The following SPTAN1 variants were observed in gnomAD, a reference collection of about 807,000 sequenced individuals.
SPTAN1 encodes spectrin alpha chain, non-erythrocytic 1.
Under a neutral mutation model 331.3 loss-of-function variants are expected in SPTAN1, and 61 were observed. That is an observed-to-expected ratio of 0.18 (90% confidence interval 0.15 to 0.23). SPTAN1 has a LOEUF of 0.23. Ranked by LOEUF, SPTAN1 falls within the 10% of genes least tolerant of loss-of-function variation. The probability of loss-of-function intolerance (pLI) is 1.00; values close to 1 mark genes in which losing one functional copy is unlikely to be tolerated. For missense variants in SPTAN1, 2,043 were observed against 3,147.9 expected (o/e 0.65, Z 8.40); for synonymous variants, 1,153 against 1,173.9 (o/e 0.98, Z 0.36).
chr9:128,625,043 T>C lies in SPTAN1; in HGVS notation c.5993-60T>C. 5.2e-6 allele frequency: 8 copies of C among 1,524,866 alleles called. No individual in the cohort carries two copies. Among genetic ancestry groups the C allele is most frequent in the Non-Finnish European group, 7.3e-6 (8 of 1,099,086 alleles). The allele number at this position is 1,524,866 out of a possible 1,614,324, so 94.5% of individuals were successfully genotyped here. On this transcript the variant is annotated intron_variant, in intron 46 of 56. Coordinates refer to ENST00000372739, the MANE Select transcript of SPTAN1 (RefSeq NM_001130438.3). The surrounding 1 kb of genome is among the most constrained non-coding windows in gnomAD (Gnocchi z 4.1). ...ATGGTTTGTCTGGGTTTTGATGTTT[T>C]TCCTTTCTAATCCATCTCCACTGAG... is the stretch of plus-strand genomic sequence containing the variant.
At position 128,565,957 on chromosome 9, in the gene SPTAN1, G is replaced by T. The variant is rs540146141; in HGVS notation, c.-3-781G>T. On this transcript the variant is annotated intron_variant, in intron 1 of 56. Transcript: ENST00000372739. ...AAATTGAGGCATGGAGAGGGAAGGTGGCTAGTGTGAGGTCACATGTTGCTG... is the reference window on the plus strand; with the variant it reads ...AAATTGAGGCATGGAGAGGGAAGGTTGCTAGTGTGAGGTCACATGTTGCTG... Among the ~76,000 whole-genome samples, 38 of 152,292 alleles carry T rather than the reference G, an allele frequency of 2.5e-4. 1 individual carries two copies. The highest frequency in any genetic ancestry group is 2.2e-3 in the Admixed American group (33 of 15,300).
chr9:128,600,744 C>A (rs1257445274), intron 27 of SPTAN1, among the ~76,000 whole-genome samples: 1 of 152,006 alleles, frequency 6.6e-6, no homozygotes, highest in Non-Finnish European at 1.5e-5. Context: ...CTCACTGCAA[C>A]CTCCGCCTCC....
At chr9:128,611,286 A>G (rs916609440) in intron 37 of SPTAN1, among the ~76,000 whole-genome samples, 1 of 152,104 alleles carries the variant, frequency 6.6e-6, no homozygotes, top group Non-Finnish European at 1.5e-5. Flanking sequence ...CCTGGGCAAC[A>G]TGGCGAAACC....
Position 128,630,386 on chromosome 9 carries a change from G to A in SPTAN1, c.6762+11G>A, listed in dbSNP as rs775553506. On this transcript the variant is annotated intron_variant, in intron 52 of 56. Coordinates refer to ENST00000372739, the MANE Select transcript of SPTAN1 (RefSeq NM_001130438.3). ...CTTGAAGCTACCAAAGTAAGTGCCC[G>A]TGGGGCTCTGGCCCAGCAGAGACCC... is the stretch of plus-strand genomic sequence containing the variant. 4.5e-5 allele frequency: 73 copies of A among 1,611,872 alleles called. No individual in the cohort carries two copies. Among genetic ancestry groups the A allele is most frequent in the Non-Finnish European group, 5.4e-5 (64 of 1,179,892 alleles).
chr9:128,630,116 T>A, intron 51 of SPTAN1: 1 of 745,820 alleles, frequency 1.3e-6, no homozygotes. Flanking sequence ...GGCAGCAGCT[T>A]CCCATCTCTA....
chr9:128,620,196 T>C (rs1857667207), intron 44 of SPTAN1, among the ~76,000 whole-genome samples: 1 of 152,234 alleles, frequency 6.6e-6, no homozygotes, highest in Non-Finnish European at 1.5e-5. Context: ...CAAAGTATCA[T>C]GGTCAGATAT....
At chr9:128,584,235 A>G in intron 16 of SPTAN1, 47 bp from the exon 17 acceptor site, 1 of 1,613,702 alleles carries the variant, frequency 6.2e-7, no homozygotes, top group Non-Finnish European at 8.5e-7. Context: ...TGTATACGAT[A>G]AAACCACACC....
chr9:128,616,514 C>G (rs1564294725), intron 41 of SPTAN1, among the ~76,000 whole-genome samples: 1 of 151,524 alleles, frequency 6.6e-6, no homozygotes, highest in Non-Finnish European at 1.5e-5. Context: ...CGCCTGTGAT[C>G]ACAGTACTTT....
chr9:128,597,090 G>A (rs1854407460), intron 24 of SPTAN1, among the ~76,000 whole-genome samples: 1 of 152,174 alleles, frequency 6.6e-6, no homozygotes, highest in African/African-American at 2.4e-5. Context: ...AACCCGGGAG[G>A]CGGAGGTTGC....
In SPTAN1 at chr9:128,625,136, A is replaced by T. The variant is rs1280724532; in HGVS notation, c.6026A>T (p.Tyr2009Phe). The T allele has an allele frequency of 6.2e-7, 1 of 1,614,190 alleles. No homozygotes were observed. ...GAGAACAGCTTGAAGACAGATGATT[A>T]TGGCCGAGACCTGTCTTCTGTGCAG... Reference protein sequence around the residue: ...EKENSLKTDDYGRDLSSVQTL... With the variant: ...EKENSLKTDDFGRDLSSVQTL... Residue 2009 changes from tyrosine to phenylalanine, a missense_variant, in exon 47 of 57, where the codon TAT (tyrosine) becomes TTT (phenylalanine). Tyr to Phe is a conservative substitution (Grantham distance 22). Around this residue, in one of 12 missense-constraint regions of SPTAN1, gnomAD observed 256 missense variants for 376.4 expected, o/e 0.68. Coordinates refer to ENST00000372739, the MANE Select transcript of SPTAN1 (RefSeq NM_001130438.3). This position sits in a 1 kb window ranked among gnomAD's most constrained non-coding sequence, Gnocchi z 4.1.
At chr9:128,599,863 A>G (rs1453820793) in intron 26 of SPTAN1, 11 of 596,312 alleles carry the variant, frequency 1.8e-5, no homozygotes, top group Non-Finnish European at 1.5e-5. Flanking sequence ...GGATAAAAAA[A>G]TTGGAATTTT....
In SPTAN1 at chr9:128,552,730, G is replaced by C. The variant is rs928468181; in HGVS notation, c.-4+34G>C. 6.6e-6 allele frequency: 1 copy of C among 151,774 alleles called. No homozygotes were observed. Among genetic ancestry groups the C allele is most frequent in the African/African-American group, 2.4e-5 (1 of 41,340 alleles). The allele number at this position is 151,774 out of a possible 1,614,324, so 9.4% of individuals were successfully genotyped here. ...GGCAGCCGGGGAGCTCCGGGAGGGA[G>C]CGGGGCCCCGGGCAGCCGACCCCCG... is the stretch of plus-strand genomic sequence containing the variant. On this transcript the variant is annotated intron_variant, in intron 1 of 56. Transcript: ENST00000372739. This position sits in a 1 kb window ranked among gnomAD's most constrained non-coding sequence, Gnocchi z 4.6.
At chr9:128,580,874 C>T (rs1851855862) in intron 10 of SPTAN1, 48 bp from the exon 11 acceptor site, 1 of 1,611,188 alleles carries the variant, frequency 6.2e-7, no homozygotes, top group Admixed American at 1.7e-5. Flanking sequence ...GCCTCGGAGG[C>T]ATTGGGGCTG....
In SPTAN1 at chr9:128,603,566, C is replaced by T. The variant is rs779982346; in HGVS notation, c.3603C>T (p.Thr1201=). 4.3e-6 allele frequency: 7 copies of T among 1,614,176 alleles called. No homozygotes were observed. The highest frequency in any genetic ancestry group is 2.2e-5 in the East Asian group (1 of 44,892). The change falls in exon 28 of 57, where the codon ACC becomes ACT. Residue 1201 remains threonine (T), a synonymous_variant. Transcript: ENST00000372739. The part of the protein sequence containing the change: ...PWKSARLMVH[T]VATFNSIKEL... ...AGTCTGCTCGTCTGATGGTTCACACCGTGGCCACCTTTAATTCCATCAAGG... is the reference window on the plus strand; with the variant it reads ...AGTCTGCTCGTCTGATGGTTCACACTGTGGCCACCTTTAATTCCATCAAGG...
At chr9:128,562,879 G>A (rs1849536993) in intron 1 of SPTAN1, among the ~76,000 whole-genome samples, 1 of 150,108 alleles carries the variant, frequency 6.7e-6, no homozygotes, top group Non-Finnish European at 1.5e-5. Flanking sequence ...GCAGGAGAAT[G>A]GCGTGAACCC....
chr9:128,570,326 ATATATTTTT>A (rs1286550269), intron 3 of SPTAN1, among the ~76,000 whole-genome samples: 1,080 of 42,822 alleles, frequency 0.025, 12 homozygotes, highest in East Asian at 0.12. Context: ...ATATATATAT[ATATATTTTT>A]TTTTTTTTTT....
At position 128,582,809 on chromosome 9, in the gene SPTAN1, T is replaced by G. The variant is rs1203166702; in HGVS notation, c.1766T>G (p.Val589Gly). Residue 589 changes from valine to glycine, a missense_variant, in exon 14 of 57, where the codon GTC becomes GGC. Transcript: ENST00000372739. ...FRDSDELKSWVNEKMKTATDE... is the reference protein window; with the variant it reads ...FRDSDELKSWGNEKMKTATDE... The stretch of plus-strand genomic sequence containing the variant: ...GATTCTGATGAGCTCAAGAGTTGGG[T>G]CAATGAGAAGATGAAAACTGCCACA... 6.2e-7 allele frequency: 1 copy of G among 1,613,750 alleles called. No individual in the cohort carries two copies. The highest frequency in any genetic ancestry group is 1.1e-5 in the South Asian group (1 of 91,052).
intron 19 of SPTAN1, among the ~76,000 whole-genome samples, chr9:128,586,722 T>C (rs557351249): frequency 6.6e-6 from 1 of 152,328 alleles, no homozygotes; most frequent in East Asian, 1.9e-4. Flanking sequence ...GTTTTTTGAC[T>C]AAAATTCTCA....
intron 53 of SPTAN1, 41 bp downstream of exon 53, chr9:128,632,364 G>C: frequency 6.2e-7 from 1 of 1,613,678 alleles, no homozygotes; most frequent in Non-Finnish European, 8.5e-7. Context: ...CCCAGAGCAG[G>C]GGGAGGAAAA....
Sources: allele counts gnomAD v4.1 joint callset (sites outside exome capture counted in the v4.1 genomes callset), GRCh38; gene constraint gnomAD v4.1.1; regional missense constraint gnomAD v4.1.1; non-coding constraint Gnocchi (gnomAD v3.1); transcripts MANE v1.5; gene names NCBI Gene and HGNC (gene_info 2026-07-23, HGNC 2026-07-21).